Variants in TMPRSS6 observed in about 807,000 individuals in gnomAD.
TMPRSS6 encodes the protein transmembrane serine protease 6.
Under a neutral mutation model 101.5 loss-of-function variants are expected in TMPRSS6, and 67 were observed. The observed-to-expected ratio is 0.66, with a 90% CI of 0.54 to 0.81. The LOEUF (loss-of-function observed/expected upper bound fraction) is 0.81, where lower values mean the gene tolerates loss of function less well. TMPRSS6 is among the 30% of genes least tolerant of loss of function. The pLI is 0.00. For missense variants in TMPRSS6, 1,034 were observed against 1,088.7 expected (o/e 0.95, Z 0.71); for synonymous variants, 453 against 464.9 (o/e 0.97, Z 0.33).
At chr22:37,068,360 G>T (rs150975919) in intron 16 of TMPRSS6, among the ~76,000 whole-genome samples, 1 of 152,200 alleles carries the variant, frequency 6.6e-6, no homozygotes, top group Non-Finnish European at 1.5e-5. Context: ...CTGCGGCCCC[G>T]CCTGCTTCCA....
chr22:37,093,581 T>C (rs1301022953), intron 6 of TMPRSS6, among the ~76,000 whole-genome samples: 2 of 150,456 alleles, frequency 1.3e-5, no homozygotes, highest in African/African-American at 4.9e-5. Context: ...TTTTATATTT[T>C]TAGAAGAGAC....
Position 37,084,743 on chromosome 22 carries a change from CA to C in TMPRSS6, c.1069del (p.Cys357AlafsTer23), listed in dbSNP as rs1928563684. On this transcript the variant is annotated frameshift_variant, in exon 9 of 18. Transcript: ENST00000676104. LOFTEE classifies it high-confidence loss of function. Reference sequence around the variant, plus strand: ...GGGTCTCACCGTGAGGTGCCAGGAGCAGTGGGTTTGGGGCGAGTAGTAGCTG... The same window carrying C: ...GGGTCTCACCGTGAGGTGCCAGGAGCGTGGGTTTGGGGCGAGTAGTAGCTG... ...FPSYYSPQTH[C>X]SWHLTVPSLD... The C allele has an allele frequency of 6.4e-7, 1 of 1,563,964 alleles. No individual in the cohort carries two copies. The highest frequency in any genetic ancestry group is 8.7e-7 in the Non-Finnish European group (1 of 1,153,992).
chr22:37,098,482 G>A lies in TMPRSS6; in HGVS notation c.270C>T (p.Phe90=), dbSNP rs760055619. The part of the protein sequence containing the change: ...SGSLRVLNRH[F]SQDLTRRESS... ...ATTCCCGGCGGGTAAGATCCTGGGA[G>A]AAGTGGCGATTGAGTACACGCAGAC... Residue 90 remains phenylalanine (F), a synonymous_variant, in exon 3 of 18, where the codon TTC becomes TTT. Coordinates refer to ENST00000676104, the MANE Select transcript of TMPRSS6 (RefSeq NM_001374504.1). The A allele has an allele frequency of 8.1e-6, 13 of 1,614,108 alleles. No individual in the cohort carries two copies. Among genetic ancestry groups the A allele is most frequent in the East Asian group, 2.2e-5 (1 of 44,882 alleles).
At chr22:37,095,768 A>C in intron 5 of TMPRSS6, 138 bp downstream of exon 5, 1 of 1,265,332 alleles carries the variant, frequency 7.9e-7, no homozygotes, top group Non-Finnish European at 1.1e-6. Flanking sequence ...TGGCACTGCT[A>C]CCTCACCTGG....
intron 10 of TMPRSS6, among the ~76,000 whole-genome samples, chr22:37,083,590 C>T (rs1004809647): frequency 1.3e-5 from 2 of 152,262 alleles, no homozygotes; most frequent in African/African-American, 2.4e-5. Context: ...AAGCTGTCGG[C>T]ACCACCCATG....
In TMPRSS6 at chr22:37,066,208, C is replaced by T. The variant is rs774843745; in HGVS notation, c.2281G>A (p.Ala761Thr). The change falls in exon 18 of 18, where the codon GCA becomes ACA. Residue 761 changes from alanine (A) to threonine (T), a missense_variant. Coordinates refer to ENST00000676104, the MANE Select transcript of TMPRSS6 (RefSeq NM_001374504.1). ...GCCAGGAACCAGCGGCCACTGAGTG[C>T]CTTGCACACCAGCGGACCACCTGAG... ...GDSGGPLVCKALSGRWFLAGL... is the reference protein window; with the variant it reads ...GDSGGPLVCKTLSGRWFLAGL... 8 of 1,612,752 alleles carry T rather than the reference C, an allele frequency of 5.0e-6. No homozygotes were observed. The highest frequency in any genetic ancestry group is 5.9e-6 in the Non-Finnish European group (7 of 1,179,772).
intron 10 of TMPRSS6, among the ~76,000 whole-genome samples, chr22:37,076,815 T>C (rs855789): frequency 0.13 from 20,006 of 152,118 alleles, 2,842 homozygotes; most frequent in African/African-American, 0.35. Flanking sequence ...ACACTCAGGG[T>C]GCAGGTTGAA....
chr22:37,084,888 C>T, intron 8 of TMPRSS6, 49 bp from the exon 9 acceptor site: 3 of 1,459,778 alleles, frequency 2.1e-6, no homozygotes, highest in Non-Finnish European at 2.8e-6. Flanking sequence ...GCTGCACCTC[C>T]CAGCAGGCTG....
At chr22:37,100,940 G>A (rs943476523) in intron 2 of TMPRSS6, among the ~76,000 whole-genome samples, 5 of 152,172 alleles carry the variant, frequency 3.3e-5, no homozygotes, top group East Asian at 1.9e-4. Context: ...GTGAGCCCCC[G>A]GGTCAAGTGC....
rs1022762506 is a variant in TMPRSS6 at position 37,084,392 on chromosome 22, C to A, written c.1099G>T (p.Asp367Tyr). The change falls in exon 10 of 18, where the codon GAC becomes TAC. Residue 367 changes from aspartate to tyrosine, a missense_variant. By Grantham distance (160) the Asp-to-Tyr change is radical. Coordinates refer to ENST00000676104, the MANE Select transcript of TMPRSS6 (RefSeq NM_001374504.1). ...TCAAACCAGAGGGCCAAGCCGTAGT[C>A]CAGAGAGGGCACCTGGGAGGGAGGA... Reference protein sequence around the residue: ...CSWHLTVPSLDYGLALWFDAY... With the variant: ...CSWHLTVPSLYYGLALWFDAY... The A allele has an allele frequency of 1.9e-6, 3 of 1,611,900 alleles. No homozygotes were observed. The highest frequency in any genetic ancestry group is 2.2e-5 in the East Asian group (1 of 44,796).
At chr22:37,100,987 C>T (rs771946177) in intron 2 of TMPRSS6, among the ~76,000 whole-genome samples, 1 of 152,132 alleles carries the variant, frequency 6.6e-6, no homozygotes, top group Non-Finnish European at 1.5e-5. Context: ...ATTTAGCAAC[C>T]TGGGATGTTG....
intron 7 of TMPRSS6, among the ~76,000 whole-genome samples, chr22:37,088,510 C>T (rs1381387499): frequency 6.6e-6 from 1 of 152,160 alleles, no homozygotes; most frequent in Non-Finnish European, 1.5e-5. Flanking sequence ...ATCTTCCCCA[C>T]CTCCTGCAGT....
intron 10 of TMPRSS6, among the ~76,000 whole-genome samples, chr22:37,077,982 G>A (rs1163761862): frequency 6.6e-6 from 1 of 152,234 alleles, no homozygotes; most frequent in Non-Finnish European, 1.5e-5. Flanking sequence ...GCCAGGGGGC[G>A]CCCCTGAGCA....
At chr22:37,106,355 C>T (rs1930714415) in intron 1 of TMPRSS6, among the ~76,000 whole-genome samples, 1 of 152,154 alleles carries the variant, frequency 6.6e-6, no homozygotes, top group Non-Finnish European at 1.5e-5. Context: ...CGAAGAGGGG[C>T]AGCTCATGGT....
At chr22:37,097,289 G>C (rs1929851717) in intron 3 of TMPRSS6, among the ~76,000 whole-genome samples, 1 of 152,214 alleles carries the variant, frequency 6.6e-6, no homozygotes. Flanking sequence ...CCATTGACAA[G>C]GTGGGGCAAG....
chr22:37,092,771 C>T (rs898808349), intron 6 of TMPRSS6, among the ~76,000 whole-genome samples: 1 of 152,252 alleles, frequency 6.6e-6, no homozygotes, highest in African/African-American at 2.4e-5. Flanking sequence ...GCTGGGATTA[C>T]AGGCTTGTGC....
intron 10 of TMPRSS6, among the ~76,000 whole-genome samples, chr22:37,078,192 CAG>C (rs1441166716): frequency 2.0e-5 from 3 of 152,138 alleles, no homozygotes; most frequent in Non-Finnish European, 4.4e-5. Flanking sequence ...CCCACAGTCA[CAG>C]GGAGATTGTG....
At chr22:37,109,791 C>A (rs547383382), upstream of TMPRSS6, among the ~76,000 whole-genome samples, 255 of 152,330 alleles carry the variant, frequency 1.7e-3, 2 homozygotes, top group Non-Finnish European at 3.8e-4. Flanking sequence ...CGCATGGGCA[C>A]CCCAGAGGCT....
rs1197476502 is a variant in TMPRSS6 at position 37,084,296 on chromosome 22, T to C, written c.1195A>G (p.Arg399Gly). ...CAGAGGGAGGAGAGGAAGTGGTACCTCCTGTTCTGGATCGTCCACTGGCCC... is the reference window on the plus strand; with the variant it reads ...CAGAGGGAGGAGAGGAAGTGGTACCCCCTGTTCTGGATCGTCCACTGGCCC... ...TQGQWTIQNR[R>G]LCGLRILQPY... Residue 399 changes from arginine (R) to glycine (G), a missense_variant and splice_region_variant, in exon 10 of 18, where the codon AGG becomes GGG. Arg to Gly is a moderately radical substitution (Grantham distance 125, BLOSUM62 -2). Coordinates refer to ENST00000676104, the MANE Select transcript of TMPRSS6 (RefSeq NM_001374504.1). The C allele has an allele frequency of 1.2e-6, 2 of 1,612,542 alleles. No individual in the cohort carries two copies. The highest frequency in any genetic ancestry group is 1.7e-6 in the Non-Finnish European group (2 of 1,179,192).
Sources: allele counts gnomAD v4.1 joint callset (sites outside exome capture counted in the v4.1 genomes callset), GRCh38; gene constraint gnomAD v4.1.1; transcripts MANE v1.5; gene names NCBI Gene and HGNC (gene_info 2026-07-23, HGNC 2026-07-21).